The following TENM2 variants were observed in gnomAD, a reference collection of about 807,000 sequenced individuals.
TENM2 encodes the protein teneurin-2.
Under a neutral mutation model 245.2 loss-of-function variants are expected in TENM2, and 52 were observed. The ratio of observed to expected loss-of-function variants is 0.21; its 90% CI spans 0.17 to 0.27. The LOEUF (loss-of-function observed/expected upper bound fraction) is 0.27. Ranked by LOEUF, TENM2 falls within the 10% of genes least tolerant of loss-of-function variation. TENM2 has a pLI of 1.00. For missense variants in TENM2, 3,046 were observed against 3,666.8 expected (o/e 0.83, Z 4.37); for synonymous variants, 1,363 against 1,438.9 (o/e 0.95, Z 1.19).
At chr5:167,848,224 C>T (rs548061464) in intron 2 of TENM2, among the ~76,000 whole-genome samples, 1 of 152,174 alleles carries the variant, frequency 6.6e-6, no homozygotes, top group African/African-American at 2.4e-5. Flanking sequence ...CATGAGAGTT[C>T]TTCAAAGTGT....
chr5:167,311,001 T>A (rs1755998742), intron 1 of TENM2, among the ~76,000 whole-genome samples: 1 of 152,232 alleles, frequency 6.6e-6, no homozygotes, highest in Non-Finnish European at 1.5e-5. Context: ...TTACAATAAA[T>A]ATCTAGCATA....
At chr5:167,128,571 C>T in the TENM2 span, among the ~76,000 whole-genome samples, 5 of 151,834 alleles carry the variant, frequency 3.3e-5, no homozygotes, top group African/African-American at 1.2e-4. Flanking sequence ...AAAAAAAGCC[C>T]CTGTTCCCTC....
chr5:167,587,523 A>G (rs1458371877), intron 2 of TENM2, among the ~76,000 whole-genome samples: 1 of 152,170 alleles, frequency 6.6e-6, no homozygotes, highest in African/African-American at 2.4e-5. Context: ...TTCTGGGTAT[A>G]ATGTTTCCAT....
chr5:167,382,407 G>A (rs1276523401), intron 2 of TENM2, among the ~76,000 whole-genome samples: 14 of 152,132 alleles, frequency 9.2e-5, no homozygotes, highest in Admixed American at 9.2e-4. Flanking sequence ...AGCTAATGCT[G>A]AAATGGGAAC....
chr5:167,505,194 A>G (rs1382010038), intron 2 of TENM2, among the ~76,000 whole-genome samples: 1 of 152,174 alleles, frequency 6.6e-6, no homozygotes, highest in African/African-American at 2.4e-5. Flanking sequence ...CTGCCTCGGT[A>G]TCATTATGTT....
At chr5:167,375,080 T>C in intron 1 of TENM2, 118 bp from the exon 4 acceptor site, 2 of 989,654 alleles carry the variant, frequency 2.0e-6, no homozygotes, top group Middle Eastern at 2.1e-4. Flanking sequence ...CTGTACACCA[T>C]GGTGAATTTG....
At chr5:168,004,284 G>A (rs779921145) in intron 5 of TENM2, among the ~76,000 whole-genome samples, 7 of 152,288 alleles carry the variant, frequency 4.6e-5, no homozygotes, top group East Asian at 3.9e-4. Flanking sequence ...GAAAGATCCA[G>A]TAGTGATATT....
intron 3 of TENM2, among the ~76,000 whole-genome samples, chr5:167,952,122 C>G (rs955848513): frequency 6.6e-6 from 1 of 152,096 alleles, no homozygotes; most frequent in Non-Finnish European, 1.5e-5. Context: ...CTGCCTAGTC[C>G]CTATAGGTAT....
intron 9 of TENM2, among the ~76,000 whole-genome samples, chr5:168,104,060 G>T (rs1272800545): frequency 6.6e-6 from 1 of 151,854 alleles, no homozygotes; most frequent in Non-Finnish European, 1.5e-5. Flanking sequence ...ACAGAGATTT[G>T]CTCTGTCACC....
chr5:167,131,898 C>CT, the TENM2 span, among the ~76,000 whole-genome samples: 1 of 152,202 alleles, frequency 6.6e-6, no homozygotes, highest in Non-Finnish European at 1.5e-5. Flanking sequence ...TCTCAGCTCA[C>CT]TGCAACCTCC....
the TENM2 span, among the ~76,000 whole-genome samples, chr5:167,268,931 C>T: frequency 0.12 from 13,452 of 108,586 alleles, 782 homozygotes; most frequent in East Asian, 0.25. Flanking sequence ...GATAGATAGA[C>T]AGACATTTTT....
chr5:167,026,200 G>A, the TENM2 span, among the ~76,000 whole-genome samples: 1 of 152,322 alleles, frequency 6.6e-6, no homozygotes, highest in East Asian at 1.9e-4. Flanking sequence ...AATCCTGTTT[G>A]ATTTTGCCCA....
the TENM2 span, among the ~76,000 whole-genome samples, chr5:166,991,003 G>A: frequency 6.6e-6 from 1 of 151,532 alleles, no homozygotes; most frequent in Non-Finnish European, 1.5e-5. Flanking sequence ...AAGAAAGAAA[G>A]CAAAAGAGAA....
intron 1 of TENM2, among the ~76,000 whole-genome samples, chr5:167,285,753 A>C (rs144121096): frequency 3.4e-4 from 52 of 152,224 alleles, no homozygotes; most frequent in African/African-American, 1.0e-3. Context: ...ATGTCTTACT[A>C]GTCCCAGCCT....
the TENM2 span, among the ~76,000 whole-genome samples, chr5:167,005,934 A>G: frequency 6.6e-6 from 1 of 152,038 alleles, no homozygotes; most frequent in Non-Finnish European, 1.5e-5. Flanking sequence ...TGCTGGGATT[A>G]CAGGTGTGAG....
At chr5:167,209,653 T>A in the TENM2 span, among the ~76,000 whole-genome samples, 1 of 152,214 alleles carries the variant, frequency 6.6e-6, no homozygotes, top group Admixed American at 6.5e-5. Flanking sequence ...CTGCTCTTTG[T>A]AAAATCACTT....
At chr5:167,153,269 A>G in the TENM2 span, among the ~76,000 whole-genome samples, 2 of 152,112 alleles carry the variant, frequency 1.3e-5, no homozygotes, top group Non-Finnish European at 2.9e-5. Context: ...GAACGTAAGC[A>G]GTTGATTAAC....
the TENM2 span, among the ~76,000 whole-genome samples, chr5:167,266,190 C>T: frequency 2.0e-5 from 3 of 152,104 alleles, no homozygotes; most frequent in South Asian, 6.2e-4. Flanking sequence ...TGTCACTAAT[C>T]ATCTCAAGGA....
At chr5:167,872,574 G>GA (rs141070678) in intron 2 of TENM2, among the ~76,000 whole-genome samples, 965 of 39,430 alleles carry the variant, frequency 0.024, 49 homozygotes, top group Non-Finnish European at 0.086. Context: ...AAGAAAGAAA[G>GA]AAAGAAAGAG....
Sources: allele counts gnomAD v4.1 joint callset (sites outside exome capture counted in the v4.1 genomes callset), GRCh38; gene constraint gnomAD v4.1.1; transcripts MANE v1.5; gene names NCBI Gene and HGNC (gene_info 2026-07-23, HGNC 2026-07-21).